PDZRN3: variants seen among roughly 807,000 people sequenced by gnomAD.
PDZRN3 encodes the protein PDZ domain containing ring finger 3.
PDZRN3 carries 38 observed loss-of-function variants against 85.7 expected under a neutral mutation model. The ratio of observed to expected loss-of-function variants is 0.44; its 90% CI spans 0.34 to 0.58. The LOEUF (loss-of-function observed/expected upper bound fraction) is 0.58, where lower values mean the gene tolerates loss of function less well. PDZRN3 is among the 20% of genes least tolerant of loss of function. The pLI is 0.01. For missense variants in PDZRN3, 1,629 were observed against 1,506.4 expected (o/e 1.08, Z -1.35); for synonymous variants, 759 against 638.0 (o/e 1.19, Z -2.86).
intron 3 of PDZRN3, among the ~76,000 whole-genome samples, chr3:73,574,825 T>G (rs1702099560): frequency 6.6e-6 from 1 of 151,978 alleles, no homozygotes; most frequent in Non-Finnish European, 1.5e-5. Flanking sequence ...AAATTCAACT[T>G]CCCCCCTCAT....
At chr3:73,421,880 C>T (rs1262797673) in intron 3 of PDZRN3, among the ~76,000 whole-genome samples, 1 of 152,196 alleles carries the variant, frequency 6.6e-6, no homozygotes, top group African/African-American at 2.4e-5. Flanking sequence ...ATCCCCTGAC[C>T]TCGTGATCTC....
At chr3:73,518,896 T>C (rs1205154552) in intron 3 of PDZRN3, among the ~76,000 whole-genome samples, 2 of 152,122 alleles carry the variant, frequency 1.3e-5, no homozygotes, top group Non-Finnish European at 2.9e-5. Flanking sequence ...CCCATGAATG[T>C]TGTGGGAGCA....
intron 3 of PDZRN3, among the ~76,000 whole-genome samples, chr3:73,488,203 G>C (rs1255221248): frequency 6.6e-6 from 1 of 152,122 alleles, no homozygotes; most frequent in Non-Finnish European, 1.5e-5. Flanking sequence ...GGTTTCCTTG[G>C]GATTAAAGCC....
At chr3:73,463,791 T>C (rs1703154269) in intron 3 of PDZRN3, among the ~76,000 whole-genome samples, 1 of 152,184 alleles carries the variant, frequency 6.6e-6, no homozygotes, top group South Asian at 2.1e-4. Flanking sequence ...AGTGATAGAC[T>C]GGATAAAGAA....
At chr3:73,551,569 G>A (rs1319932868) in intron 3 of PDZRN3, among the ~76,000 whole-genome samples, 1 of 151,770 alleles carries the variant, frequency 6.6e-6, no homozygotes, top group Non-Finnish European at 1.5e-5. Context: ...TGTGCCTGTG[G>A]TCCCAGCTAT....
intron 3 of PDZRN3, among the ~76,000 whole-genome samples, chr3:73,572,657 G>A (rs1314196585): frequency 6.6e-6 from 1 of 152,162 alleles, no homozygotes; most frequent in East Asian, 1.9e-4. Flanking sequence ...CAGTGGGACA[G>A]CAGTACAAAA....
At chr3:73,519,978 A>C (rs561399828) in intron 3 of PDZRN3, among the ~76,000 whole-genome samples, 2 of 152,290 alleles carry the variant, frequency 1.3e-5, no homozygotes, top group South Asian at 4.1e-4. Flanking sequence ...GACTATGATG[A>C]GAATGGCGTT....
intron 3 of PDZRN3, among the ~76,000 whole-genome samples, chr3:73,532,196 G>A (rs538532950): frequency 2.0e-5 from 3 of 151,990 alleles, no homozygotes; most frequent in East Asian, 3.9e-4. Flanking sequence ...TAGTAGAGAC[G>A]GGGTTTCACC....
Position 73,384,261 on chromosome 3 carries a change from G to C in PDZRN3, c.2305C>G (p.Leu769Val). The C allele has an allele frequency of 6.2e-7, 1 of 1,613,104 alleles. No homozygotes were observed. The highest frequency in any genetic ancestry group is 1.3e-5 in the African/African-American group (1 of 75,062). The change falls in exon 10 of 10, where the codon CTC (leucine) becomes GTC (valine). Residue 769 changes from leucine (L) to valine (V), a missense_variant. By Grantham distance (32) the Leu-to-Val change is conservative. Transcript: ENST00000263666. Reference protein sequence around the residue: ...NTGESCRSTPLTLEISPDNSL... With the variant: ...NTGESCRSTPVTLEISPDNSL... ...TTGTCGGGGGAGATCTCCAGGGTGA[G>C]CGGGGTGCTGCGGCAGCTCTCGCCT...
intron 3 of PDZRN3, among the ~76,000 whole-genome samples, chr3:73,601,300 T>G (rs985097688): frequency 8.5e-5 from 13 of 152,198 alleles, no homozygotes; most frequent in East Asian, 5.8e-4. Context: ...CTCGTGGTCC[T>G]AGCTCCCACT....
At chr3:73,403,944 T>C (rs1701802962) in intron 4 of PDZRN3, among the ~76,000 whole-genome samples, 1 of 152,228 alleles carries the variant, frequency 6.6e-6, no homozygotes, top group Non-Finnish European at 1.5e-5. Flanking sequence ...ATAAGTCCGC[T>C]CCAGGGTTAT....
chr3:73,423,647 T>A (rs1337343538), intron 3 of PDZRN3, among the ~76,000 whole-genome samples: 1 of 152,244 alleles, frequency 6.6e-6, no homozygotes, highest in African/African-American at 2.4e-5. Flanking sequence ...TGTTACAGTT[T>A]GAGAAAATCT....
At chr3:73,443,308 T>C (rs921117807) in intron 3 of PDZRN3, among the ~76,000 whole-genome samples, 1 of 152,136 alleles carries the variant, frequency 6.6e-6, no homozygotes, top group Non-Finnish European at 1.5e-5. Flanking sequence ...GGCTTCCCAG[T>C]TGCCAAACTC....
At chr3:73,401,249 C>CT (rs1397845251) in intron 4 of PDZRN3, among the ~76,000 whole-genome samples, 1 of 152,176 alleles carries the variant, frequency 6.6e-6, no homozygotes, top group African/African-American at 2.4e-5. Flanking sequence ...GCCTGATGGG[C>CT]TTTGTTGTTT....
chr3:73,486,499 A>C (rs529402571), intron 3 of PDZRN3, among the ~76,000 whole-genome samples: 5 of 152,226 alleles, frequency 3.3e-5, no homozygotes, highest in African/African-American at 4.8e-5. Flanking sequence ...CATTTGTTCA[A>C]TGGTTACAGA....
intron 3 of PDZRN3, among the ~76,000 whole-genome samples, chr3:73,573,490 T>C (rs891732411): frequency 4.6e-5 from 7 of 152,188 alleles, no homozygotes; most frequent in East Asian, 1.9e-4. Context: ...TAAAGTTTTA[T>C]TGGAACAAAG....
chr3:73,400,038 A>C (rs1701718241), intron 5 of PDZRN3, among the ~76,000 whole-genome samples: 1 of 152,238 alleles, frequency 6.6e-6, no homozygotes, highest in Non-Finnish European at 1.5e-5. Flanking sequence ...AAGTATTGGT[A>C]GGACAGCATA....
At chr3:73,523,563 G>GA (rs1334839363) in intron 3 of PDZRN3, among the ~76,000 whole-genome samples, 4 of 151,862 alleles carry the variant, frequency 2.6e-5, no homozygotes, top group East Asian at 1.9e-4. Flanking sequence ...TTTGCAGGAA[G>GA]AAAAAAACCC....
At chr3:73,536,484 G>A (rs888149205) in intron 3 of PDZRN3, among the ~76,000 whole-genome samples, 3 of 152,196 alleles carry the variant, frequency 2.0e-5, no homozygotes, top group Non-Finnish European at 2.9e-5. Context: ...TGACAGGTAT[G>A]TGTGTCATTT....
Sources: allele counts gnomAD v4.1 joint callset (sites outside exome capture counted in the v4.1 genomes callset), GRCh38; gene constraint gnomAD v4.1.1; transcripts MANE v1.5; gene names NCBI Gene and HGNC (gene_info 2026-07-23, HGNC 2026-07-21).